GRM7: variants seen among roughly 807,000 people sequenced by gnomAD.
The protein encoded by GRM7 is glutamate metabotropic receptor 7.
A neutral mutation model predicts 84.5 loss-of-function variants in GRM7; 35 were observed. The observed-to-expected ratio is 0.41, with a 90% CI of 0.32 to 0.55. GRM7 has a LOEUF of 0.55. Ranked by LOEUF, GRM7 falls within the 20% of genes least tolerant of loss-of-function variation. The probability of loss-of-function intolerance (pLI) is 0.19; values close to 1 mark genes in which losing one functional copy is unlikely to be tolerated. For missense variants in GRM7, 1,003 were observed against 1,194.6 expected, an observed-to-expected ratio of 0.84 and a Z score of 2.36; for synonymous variants, 487 against 455.1, an observed-to-expected ratio of 1.07 and a Z score of -0.89.
chr3:7,707,967 C>A (rs1701445674), intron 9 of GRM7, among the ~76,000 whole-genome samples: 1 of 141,818 alleles, frequency 7.1e-6, no homozygotes, highest in Admixed American at 7.2e-5. Flanking sequence ...TTCCCATGCC[C>A]TATAAAGCAA....
chr3:7,432,886 G>T (rs985126904), intron 5 of GRM7, among the ~76,000 whole-genome samples: 1 of 152,098 alleles, frequency 6.6e-6, no homozygotes, highest in African/African-American at 2.4e-5. Context: ...GGATAAGGGA[G>T]TTAATGCAAC....
At chr3:6,972,622 G>A (rs1301444835) in intron 1 of GRM7, among the ~76,000 whole-genome samples, 1 of 152,224 alleles carries the variant, frequency 6.6e-6, no homozygotes, top group Non-Finnish European at 1.5e-5. Context: ...GGAAAAGAGA[G>A]GAAGCAGGAT....
intron 2 of GRM7, among the ~76,000 whole-genome samples, chr3:7,276,785 TCC>T (rs1699077512): frequency 1.8e-4 from 11 of 62,742 alleles, no homozygotes; most frequent in South Asian, 9.8e-4. Context: ...CTTCCTTCCT[TCC>T]TTCCTTCCTT....
intron 7 of GRM7, among the ~76,000 whole-genome samples, chr3:7,505,991 T>G (rs1470988086): frequency 1.3e-5 from 2 of 152,256 alleles, no homozygotes; most frequent in African/African-American, 4.8e-5. Flanking sequence ...CTTTGCACTC[T>G]GCTTCCCTTG....
chr3:7,724,573 A>C (rs1449845379), intron 9 of GRM7, among the ~76,000 whole-genome samples: 1 of 152,186 alleles, frequency 6.6e-6, no homozygotes, highest in Non-Finnish European at 1.5e-5. Flanking sequence ...TAAGGACAAC[A>C]CTGTCAGTTT....
chr3:7,376,633 T>G (rs1325855900), intron 4 of GRM7, among the ~76,000 whole-genome samples: 1 of 152,354 alleles, frequency 6.6e-6, no homozygotes, highest in African/African-American at 2.4e-5. Flanking sequence ...AATGCATGTG[T>G]ATGTCAATAA....
chr3:7,520,989 C>A (rs994660366), intron 7 of GRM7, among the ~76,000 whole-genome samples: 3 of 152,278 alleles, frequency 2.0e-5, no homozygotes, highest in South Asian at 4.1e-4. Flanking sequence ...CCTTCCCCAA[C>A]CCACAACTCA....
At chr3:6,889,603 C>A (rs560934884) in intron 1 of GRM7, among the ~76,000 whole-genome samples, 5 of 151,948 alleles carry the variant, frequency 3.3e-5, no homozygotes, top group Non-Finnish European at 5.9e-5. Context: ...TCGTGGATAA[C>A]CTTTTTGATG....
At chr3:6,947,454 C>G (rs1340538400) in intron 1 of GRM7, among the ~76,000 whole-genome samples, 2 of 152,112 alleles carry the variant, frequency 1.3e-5, no homozygotes, top group African/African-American at 2.4e-5. Context: ...ATTCGGTTTG[C>G]CAGTATTTTA....
At chr3:7,082,464 C>T (rs368796227) in intron 1 of GRM7, among the ~76,000 whole-genome samples, 1 of 152,072 alleles carries the variant, frequency 6.6e-6, no homozygotes, top group Non-Finnish European at 1.5e-5. Flanking sequence ...TACCCAAAAG[C>T]TCTCATGAGG....
intron 7 of GRM7, among the ~76,000 whole-genome samples, chr3:7,504,867 C>T (rs1161666440): frequency 6.6e-6 from 1 of 152,252 alleles, no homozygotes; most frequent in Middle Eastern, 3.4e-3. Flanking sequence ...TAATTCCATC[C>T]TAATAGCCCC....
At chr3:6,902,320 T>G (rs1696417317) in intron 1 of GRM7, among the ~76,000 whole-genome samples, 1 of 152,182 alleles carries the variant, frequency 6.6e-6, no homozygotes, top group Non-Finnish European at 1.5e-5. Context: ...GCTGGAAGAT[T>G]GTGTATGAAT....
chr3:7,489,809 A>C (rs1276237022), intron 7 of GRM7, among the ~76,000 whole-genome samples: 1 of 152,028 alleles, frequency 6.6e-6, no homozygotes, highest in Non-Finnish European at 1.5e-5. Context: ...TATAGCAAAG[A>C]ATGCACAACC....
intron 9 of GRM7, among the ~76,000 whole-genome samples, chr3:7,715,267 C>G (rs111519025): frequency 0.016 from 2,398 of 152,088 alleles, 75 homozygotes; most frequent in African/African-American, 0.055. Context: ...CAAAACCAGC[C>G]TGGTCAACAT....
At chr3:7,647,037 C>T (rs1032406437) in intron 8 of GRM7, among the ~76,000 whole-genome samples, 1 of 152,138 alleles carries the variant, frequency 6.6e-6, no homozygotes, top group Non-Finnish European at 1.5e-5. Flanking sequence ...ATAATGTTCC[C>T]TTGGCATTTT....
intron 8 of GRM7, among the ~76,000 whole-genome samples, chr3:7,601,393 G>A (rs1452163093): frequency 1.3e-5 from 2 of 151,982 alleles, no homozygotes; most frequent in Non-Finnish European, 2.9e-5. Context: ...AGAGACAGGG[G>A]TTCTATCTGG....
chr3:6,950,631 TTGTC>T (rs1038150999), intron 1 of GRM7, among the ~76,000 whole-genome samples: 26 of 152,336 alleles, frequency 1.7e-4, no homozygotes, highest in African/African-American at 5.8e-4. Context: ...TGTCTTTTGT[TTGTC>T]TGTGCCCTGC....
chr3:7,318,659 T>C (rs1028713676), intron 4 of GRM7, among the ~76,000 whole-genome samples: 1 of 147,378 alleles, frequency 6.8e-6, no homozygotes, highest in Admixed American at 6.6e-5. Context: ...AAGATGGGCA[T>C]TTTTTAGGCT....
In GRM7 at chr3:7,590,911, G is replaced by C. The variant is rs144045635; in HGVS notation, c.2451+11554G>C. ...CTCATTAAAATGAAAGTACCTTAAA[G>C]GTAAGGCCCTGCTCTGTCTCTAGTT... On this transcript the variant is annotated intron_variant, in intron 8 of 9. Coordinates refer to ENST00000357716, the MANE Select transcript of GRM7 (RefSeq NM_000844.4). 1.4e-3 allele frequency among the ~76,000 whole-genome samples: 219 copies of C among 152,254 alleles called. 1 individual carries two copies. Among genetic ancestry groups the C allele is most frequent in the African/African-American group, 4.8e-3 (198 of 41,552 alleles).
Sources: allele counts gnomAD v4.1 joint callset (sites outside exome capture counted in the v4.1 genomes callset), GRCh38; gene constraint gnomAD v4.1.1; transcripts MANE v1.5; gene names NCBI Gene and HGNC (gene_info 2026-07-23, HGNC 2026-07-21).